The following DNAH6 variants were observed in gnomAD, a reference collection of about 807,000 sequenced individuals.
The protein encoded by DNAH6 is axonemal beta dynein heavy chain 6.
A neutral mutation model predicts 491.4 loss-of-function variants in DNAH6; 340 were observed. That is an observed-to-expected ratio of 0.69 (90% CI 0.63 to 0.76). DNAH6 has a LOEUF of 0.76. Ranked by LOEUF, DNAH6 falls within the 30% of genes least tolerant of loss-of-function variation. The pLI is 0.00. For missense variants in DNAH6, 4,443 were observed against 4,972.2 expected (o/e 0.89, Z 3.20); for synonymous variants, 1,603 against 1,686.1 (o/e 0.95, Z 1.21).
intron 37 of DNAH6, among the ~76,000 whole-genome samples, chr2:84,667,337 A>G (rs1245026889): frequency 3.3e-5 from 5 of 152,164 alleles, no homozygotes; most frequent in Non-Finnish European, 5.9e-5. Context: ...GAAAATTTTT[A>G]CAATCTACCC....
chr2:84,572,260 G>A (rs1034592915), intron 11 of DNAH6, among the ~76,000 whole-genome samples: 1 of 152,194 alleles, frequency 6.6e-6, no homozygotes, highest in Non-Finnish European at 1.5e-5. Flanking sequence ...GACTTATAAA[G>A]TAAATATGAT....
chr2:84,547,927 T>C (rs1678936205), intron 7 of DNAH6, among the ~76,000 whole-genome samples: 1 of 44,252 alleles, frequency 2.3e-5, no homozygotes, highest in Admixed American at 3.3e-4. Flanking sequence ...AGACAATAGG[T>C]TTGTTAAAAT....
chr2:84,753,010 CAT>C (rs1235058149), intron 63 of DNAH6, among the ~76,000 whole-genome samples: 3 of 152,186 alleles, frequency 2.0e-5, no homozygotes, highest in Non-Finnish European at 4.4e-5. Context: ...TATCATTTTA[CAT>C]TCCCACCATC....
rs76588553 is a variant in DNAH6 at position 84,723,285 on chromosome 2, TTAGAG to T, written c.9972+488_9972+492del. On this transcript the variant is annotated intron_variant, in intron 60 of 76. Transcript: ENST00000389394. Reference sequence around the variant, plus strand: ...ACCAGCCCTTCCAAAGATGCAGTTTTTAGAGTAGAGTTAGTGATTATTATATATAT... The same window carrying T: ...ACCAGCCCTTCCAAAGATGCAGTTTTTAGAGTTAGTGATTATTATATATAT... Among the ~76,000 whole-genome samples the T allele has an allele frequency of 9.2e-3, 1,403 of 152,136 alleles. 6 individuals are homozygous for T. The highest frequency in any genetic ancestry group is 0.017 in the Middle Eastern group (5 of 294).
Position 84,653,701 on chromosome 2 carries a change from G to T in DNAH6, c.5461G>T (p.Val1821Phe), listed in dbSNP as rs922036257. Residue 1821 changes from valine (V) to phenylalanine (F), a missense_variant, in exon 34 of 77, where the codon GTC becomes TTC. This residue lies in a region of DNAH6 where 2,977 missense variants were observed against 3,296.6 expected (regional missense o/e 0.90). Coordinates refer to ENST00000389394, the MANE Select transcript of DNAH6 (RefSeq NM_001370.2). ...GAAAGATGGTTTGATGGCACTAAGT[G>T]TCCGAGCAGCTGTGAATGATACTTC... ...EWKDGLMALS[V>F]RAAVNDTSED... is the part of the protein sequence containing the mutation. 6.4e-7 allele frequency: 1 copy of T among 1,551,186 alleles called. No homozygotes were observed. Among genetic ancestry groups the T allele is most frequent in the Non-Finnish European group, 8.7e-7 (1 of 1,146,738 alleles).
rs1235571290 is a variant in DNAH6, at chr2:84,819,489, G to A, written c.*81G>A. 1.2e-6 allele frequency: 1 copy of A among 867,030 alleles called. No individual in the cohort carries two copies. Among genetic ancestry groups the A allele is most frequent in the Non-Finnish European group, 1.8e-6 (1 of 559,508 alleles). The allele number at this position is 867,030 out of a possible 1,614,324, so 53.7% of individuals were successfully genotyped here. Reference sequence around the variant, plus strand: ...AGCAAAAGGTTTGAATAATTTATATGTGAGCAAAACGGTGTTAATTCTGAT... The same window carrying A: ...AGCAAAAGGTTTGAATAATTTATATATGAGCAAAACGGTGTTAATTCTGAT... On this transcript the variant is annotated 3_prime_UTR_variant, in exon 77 of 77. Transcript: ENST00000389394.
At chr2:84,509,974 G>A in the DNAH6 span, among the ~76,000 whole-genome samples, 29 of 152,286 alleles carry the variant, frequency 1.9e-4, no homozygotes, top group Middle Eastern at 0.01. Flanking sequence ...CCCTTTGTGC[G>A]TAACCCGACC....
intron 72 of DNAH6, among the ~76,000 whole-genome samples, chr2:84,810,226 G>A (rs1277289177): frequency 6.6e-6 from 1 of 152,030 alleles, no homozygotes; most frequent in Non-Finnish European, 1.5e-5. Context: ...TCCCCCCTAT[G>A]AGTATGGCTA....
At chr2:84,461,619 C>T in the DNAH6 span, among the ~76,000 whole-genome samples, 1 of 152,130 alleles carries the variant, frequency 6.6e-6, no homozygotes, top group African/African-American at 2.4e-5. Flanking sequence ...GTGTTGTGAA[C>T]ATTTAATACA....
At chr2:84,742,865 G>A (rs1672650276) in intron 62 of DNAH6, among the ~76,000 whole-genome samples, 2 of 152,086 alleles carry the variant, frequency 1.3e-5, no homozygotes, top group African/African-American at 2.4e-5. Flanking sequence ...AAGTGTGGTG[G>A]TTTAAAGTCT....
rs190713918 is a variant in DNAH6 at position 84,637,366 on chromosome 2, T to C, written c.4810T>C (p.Leu1604=). The C allele has an allele frequency of 2.3e-5, 36 of 1,546,290 alleles. No homozygotes were observed. Among genetic ancestry groups the C allele is most frequent in the Non-Finnish European group, 3.1e-5 (36 of 1,143,800 alleles). The change falls in exon 31 of 77, where the codon TTG becomes CTG. Residue 1604 remains leucine (L), a synonymous_variant. Coordinates refer to ENST00000389394, the MANE Select transcript of DNAH6 (RefSeq NM_001370.2). ...TGCGATGATGGTTCCAAATTATGCC[T>C]TGATTGCAGAGGTGAGCATCACATT... ...PFAMMVPNYA[L]IAEVILYSEG...
At chr2:84,636,517 G>C (rs1688890555) in intron 30 of DNAH6, among the ~76,000 whole-genome samples, 1 of 152,120 alleles carries the variant, frequency 6.6e-6, no homozygotes, top group Admixed American at 6.6e-5. Flanking sequence ...CAAGAGTGAG[G>C]CTCCTTCAGC....
chr2:84,804,923 C>G (rs1337579362), intron 70 of DNAH6, among the ~76,000 whole-genome samples: 1 of 152,148 alleles, frequency 6.6e-6, no homozygotes, highest in African/African-American at 2.4e-5. Context: ...TCAAGCTATT[C>G]CCCATTCAGC....
chr2:84,652,584 A>G (rs1690552155), intron 33 of DNAH6, among the ~76,000 whole-genome samples: 1 of 152,008 alleles, frequency 6.6e-6, no homozygotes, highest in Non-Finnish European at 1.5e-5. Flanking sequence ...CTTTTTTTAC[A>G]GTTGTAGATT....
rs556817208 is a variant in DNAH6, at chr2:84,703,404, C to A, written c.8071C>A (p.Arg2691=). 3 of 1,506,112 alleles carry A rather than the reference C, an allele frequency of 2.0e-6. No homozygotes were observed. The highest frequency in any genetic ancestry group is 4.9e-5 in the East Asian group (2 of 40,570). 93.3% of individuals were successfully genotyped at this position (1,506,112 alleles called of 1,614,324 possible). ...TTTCATTGTCACTTAGGCACGAGAT[C>A]GGGTGAAGAATGGTCTCACCAAGCT... ...KRKQIISARD[R]VKNGLTKLLE... The change falls in exon 50 of 77, where the codon CGG becomes AGG. Residue 2691 remains arginine, a synonymous_variant. Transcript: ENST00000389394.
chr2:84,810,234 C>CT (rs1024286423), intron 72 of DNAH6, among the ~76,000 whole-genome samples: 1 of 152,176 alleles, frequency 6.6e-6, no homozygotes, highest in Non-Finnish European at 1.5e-5. Flanking sequence ...ATGAGTATGG[C>CT]TACTCTAACA....
At position 84,815,866 on chromosome 2, in the gene DNAH6, C is replaced by T. The variant is rs971499840; in HGVS notation, c.12156C>T (p.Pro4052=). 6 of 1,549,460 alleles carry T rather than the reference C, an allele frequency of 3.9e-6. No individual in the cohort carries two copies. The highest frequency in any genetic ancestry group is 5.2e-6 in the Non-Finnish European group (6 of 1,145,534). The change falls in exon 76 of 77, where the codon CCC becomes CCT. Residue 4052 remains proline, a synonymous_variant. Coordinates refer to ENST00000389394, the MANE Select transcript of DNAH6 (RefSeq NM_001370.2). Reference sequence around the variant, plus strand: ...GACTTGTGGGTATCTTTCAGTTGCCCTCTCCTGAGGATGGTGTTCTTGTTC... The same window carrying T: ...GACTTGTGGGTATCTTTCAGTTGCCTTCTCCTGAGGATGGTGTTCTTGTTC... ...GQELPMDMEL[P]SPEDGVLVHG...
chr2:84,691,726 A>G (rs1190403785), intron 45 of DNAH6, among the ~76,000 whole-genome samples: 4 of 146,494 alleles, frequency 2.7e-5, no homozygotes, highest in Admixed American at 2.0e-4. Flanking sequence ...ATTTATAGAC[A>G]TTAATATTTG....
chr2:84,708,700 A>T (rs1220750948), intron 54 of DNAH6, among the ~76,000 whole-genome samples: 1 of 152,218 alleles, frequency 6.6e-6, no homozygotes, highest in Non-Finnish European at 1.5e-5. Context: ...TTTCATCTAC[A>T]TGCATTTTCC....
Sources: allele counts gnomAD v4.1 joint callset (sites outside exome capture counted in the v4.1 genomes callset), GRCh38; gene constraint gnomAD v4.1.1; regional missense constraint gnomAD v4.1.1; transcripts MANE v1.5; gene names NCBI Gene and HGNC (gene_info 2026-07-23, HGNC 2026-07-21).